ZFAT: variants seen among roughly 807,000 people sequenced by gnomAD.
The protein encoded by ZFAT is zinc finger protein ZFAT.
A neutral mutation model predicts 117.7 loss-of-function variants in ZFAT; 64 were observed. That is an observed-to-expected ratio of 0.54 (90% CI 0.44 to 0.67). The LOEUF (loss-of-function observed/expected upper bound fraction) is 0.67, where lower values mean the gene tolerates loss of function less well. Among genes scored for constraint, ZFAT ranks in the 30% least tolerant of loss-of-function variants. The pLI is 0.00. For missense variants in ZFAT, 1,433 were observed against 1,584.5 expected, an observed-to-expected ratio of 0.90 and a Z score of 1.62; for synonymous variants, 679 against 615.0, an observed-to-expected ratio of 1.10 and a Z score of -1.54.
At chr8:134,739,722 A>G in the ZFAT span, among the ~76,000 whole-genome samples, 1 of 152,250 alleles carries the variant, frequency 6.6e-6, no homozygotes, top group Non-Finnish European at 1.5e-5. Context: ...AAGAAATGTG[A>G]TGGGCATGGA....
intron 1 of ZFAT, among the ~76,000 whole-genome samples, chr8:134,664,396 G>C (rs551006917): frequency 4.9e-4 from 74 of 152,318 alleles, no homozygotes; most frequent in Non-Finnish European, 6.8e-4. Flanking sequence ...CCCCAAGGGA[G>C]CAGGGGTCTT....
At chr8:134,498,054 G>A (rs1818628900) in intron 15 of ZFAT, among the ~76,000 whole-genome samples, 1 of 87,236 alleles carries the variant, frequency 1.1e-5, no homozygotes, top group Non-Finnish European at 2.4e-5. Context: ...CCCTGCTGCT[G>A]GTTACACACA....
rs535076147 is a variant in ZFAT at position 134,609,484 on chromosome 8, T to C, written c.635-605A>G. ...AAAGTGACTTTCCAGAAAGTTCTTC[T>C]AGCCACACAATTTTATATGGTCTGT... On this transcript the variant is annotated intron_variant, in intron 4 of 15. Coordinates refer to ENST00000377838, the MANE Select transcript of ZFAT (RefSeq NM_020863.4). 3.9e-5 allele frequency among the ~76,000 whole-genome samples: 6 copies of C among 152,344 alleles called. No homozygotes were observed. In the East Asian group the frequency reaches 9.6e-4, roughly 24 times the overall value.
intron 11 of ZFAT, among the ~76,000 whole-genome samples, chr8:134,540,443 T>C (rs995621205): frequency 6.6e-6 from 1 of 152,188 alleles, no homozygotes; most frequent in Non-Finnish European, 1.5e-5. Flanking sequence ...CTGGTGGGTG[T>C]CCTCCCAATT....
intron 11 of ZFAT, among the ~76,000 whole-genome samples, chr8:134,553,302 C>T (rs377599602): frequency 6.1e-4 from 93 of 152,206 alleles, no homozygotes; most frequent in African/African-American, 2.0e-3. Context: ...TAGGAGTTCA[C>T]GACCAGCCTG....
rs372098988 is a variant in ZFAT at position 134,602,593 on chromosome 8, C to T, written c.1126G>A (p.Ala376Thr). 16 of 1,614,020 alleles carry T rather than the reference C, an allele frequency of 9.9e-6. No homozygotes were observed. Among genetic ancestry groups the T allele is most frequent in the East Asian group, 2.2e-5 (1 of 44,896 alleles). The change falls in exon 6 of 16, where the codon GCG becomes ACG. Residue 376 changes from alanine (A) to threonine (T), a missense_variant. Transcript: ENST00000377838. ...ACCTTCTTGTCCTGTGGGTCATGCG[C>T]GTCTCGGATGTGCTTGATGAGGTTC... is the stretch of plus-strand genomic sequence containing the variant. ...VKNLIKHIRD[A>T]HDPQDKKVKE...
chr8:134,832,057 G>A, the ZFAT span, among the ~76,000 whole-genome samples: 1 of 148,854 alleles, frequency 6.7e-6, no homozygotes, highest in Non-Finnish European at 1.5e-5. Flanking sequence ...CCAGCGCCCC[G>A]CGCCCCGAGC....
the ZFAT span, among the ~76,000 whole-genome samples, chr8:134,742,904 G>A: frequency 3.1e-4 from 47 of 152,270 alleles, no homozygotes; most frequent in African/African-American, 8.2e-4. Context: ...TCCTGCCAGC[G>A]CCTCACCCAG....
intron 11 of ZFAT, among the ~76,000 whole-genome samples, chr8:134,545,391 C>T (rs1450416541): frequency 6.6e-6 from 1 of 152,094 alleles, no homozygotes; most frequent in Admixed American, 6.5e-5. Flanking sequence ...GGCACACGTC[C>T]TCCTGGTAGT....
rs368772850 is a variant in ZFAT, at chr8:134,478,689, C to T, written c.3525G>A (p.Thr1175=). Residue 1175 remains threonine, a synonymous_variant, in exon 16 of 16, where the codon ACG becomes ACA. Transcript: ENST00000377838. This position sits in a 1 kb window ranked among gnomAD's most constrained non-coding sequence, Gnocchi z 5.2. The stretch of plus-strand genomic sequence containing the variant: ...GCTGGACCGTCTCCTGGATCATGAC[C>T]GTGTGGTTGGAGCTGGGCTCCTCCT... ...VTEEEPSSNH[T]VMIQETVQQA... 41 of 1,577,648 alleles carry T rather than the reference C, an allele frequency of 2.6e-5. No individual in the cohort carries two copies. The highest frequency in any genetic ancestry group is 3.2e-5 in the Non-Finnish European group (37 of 1,162,208).
the ZFAT span, among the ~76,000 whole-genome samples, chr8:134,760,480 T>G: frequency 1.3e-5 from 2 of 152,178 alleles, no homozygotes; most frequent in African/African-American, 4.8e-5. Flanking sequence ...ATCTGTTCTC[T>G]GTTGGAGAAT....
intron 2 of ZFAT, among the ~76,000 whole-genome samples, chr8:134,645,105 C>A (rs1830806086): frequency 6.6e-6 from 1 of 152,158 alleles, no homozygotes; most frequent in Non-Finnish European, 1.5e-5. Flanking sequence ...AATGAAAGGT[C>A]TTTCTGCAGA....
chr8:134,534,593 G>GAGAGAGGGAGAGAGGGA (rs1409306997), intron 11 of ZFAT, among the ~76,000 whole-genome samples: 10 of 150,746 alleles, frequency 6.6e-5, no homozygotes, highest in Non-Finnish European at 1.2e-4. Context: ...AGAGAGAAGG[G>GAGAGAGGGAGAGAGGGA]AGAGAGGGAG....
intron 3 of ZFAT, among the ~76,000 whole-genome samples, chr8:134,625,080 T>G (rs972452419): frequency 1.3e-5 from 2 of 152,204 alleles, no homozygotes; most frequent in African/African-American, 4.8e-5. Context: ...TTTTAATTAT[T>G]GATTACACCC....
At chr8:134,514,551 T>G (rs1000036243) in intron 13 of ZFAT, among the ~76,000 whole-genome samples, 4 of 152,176 alleles carry the variant, frequency 2.6e-5, no homozygotes, top group African/African-American at 9.7e-5. Flanking sequence ...ATGGTTTCTC[T>G]CAGTGCTTCT....
At chr8:134,578,981 A>T (rs1399618759) in intron 10 of ZFAT, among the ~76,000 whole-genome samples, 2 of 152,236 alleles carry the variant, frequency 1.3e-5, no homozygotes, top group Non-Finnish European at 2.9e-5. Context: ...TACACTTTTC[A>T]AAGTTCGTAA....
upstream of ZFAT, among the ~76,000 whole-genome samples, chr8:134,716,641 G>A (rs867742324): frequency 2.0e-5 from 3 of 152,204 alleles, no homozygotes; most frequent in South Asian, 6.2e-4. Context: ...TGCTGGGTTA[G>A]TGCTGAAAGG....
intron 12 of ZFAT, among the ~76,000 whole-genome samples, chr8:134,523,511 T>C (rs938716707): frequency 1.3e-5 from 2 of 152,202 alleles, no homozygotes; most frequent in Non-Finnish European, 2.9e-5. Context: ...TCAGCAGCTA[T>C]TGTCTATCCT....
the ZFAT span, among the ~76,000 whole-genome samples, chr8:134,807,264 A>G: frequency 6.6e-6 from 1 of 152,216 alleles, no homozygotes; most frequent in African/African-American, 2.4e-5. Context: ...GCTGAAACCA[A>G]GTTAGATACC....
Sources: gnomAD v4.1 joint callset for allele counts (sites outside exome capture counted in the v4.1 genomes callset) on GRCh38, gnomAD v4.1.1 for gene constraint, Gnocchi (gnomAD v3.1) non-coding constraint, MANE v1.5 for transcripts, NCBI Gene and HGNC (gene_info 2026-07-23, HGNC 2026-07-21) for gene names.